Variants in KIF13B observed in about 807,000 individuals in gnomAD.
KIF13B encodes kinesin-like protein KIF13B.
Under a neutral mutation model 222.0 loss-of-function variants are expected in KIF13B, and 127 were observed. That is an observed-to-expected ratio of 0.57 (90% CI 0.50 to 0.66). The LOEUF (loss-of-function observed/expected upper bound fraction) is 0.66, where lower values mean the gene tolerates loss of function less well. Ranked by LOEUF, KIF13B falls within the 30% of genes least tolerant of loss-of-function variation. The probability of loss-of-function intolerance (pLI) is 0.00; values close to 1 mark genes in which losing one functional copy is unlikely to be tolerated. For synonymous variants in KIF13B, 976 were observed against 919.0 expected (o/e 1.06, Z -1.12); for missense variants, 2,173 against 2,379.0 (o/e 0.91, Z 1.80).
At position 29,237,485 on chromosome 8, in the gene KIF13B, A is replaced by T. The variant is rs1483964359; in HGVS notation, c.149+7861T>A. ...AACCATATACACAAACCCTGAGTCC[A>T]CATATCAAATGTTAGTATCCAGGTA... On this transcript the variant is annotated intron_variant, in intron 2 of 39. Coordinates refer to ENST00000524189, the MANE Select transcript of KIF13B (RefSeq NM_015254.4). Among the ~76,000 whole-genome samples, 3 of 152,210 alleles carry T rather than the reference A, an allele frequency of 2.0e-5. No individual in the cohort carries two copies. The East Asian group carries it at 5.8e-4, about 29-fold the overall frequency.
chr8:29,205,387 A>G lies in KIF13B; in HGVS notation c.150-9188T>C, dbSNP rs143300918. Among the ~76,000 whole-genome samples, 10 of 152,240 alleles carry G rather than the reference A, an allele frequency of 6.6e-5. No homozygotes were observed. The East Asian group carries it at 1.7e-3, about 26-fold the overall frequency. On this transcript the variant is annotated intron_variant, in intron 2 of 39. Coordinates refer to ENST00000524189, the MANE Select transcript of KIF13B (RefSeq NM_015254.4). Reference sequence around the variant, plus strand: ...TAGATCTGAACAACTACCACCTCCTACTAGGCCCCTGCAGTTTCAAATTCC... The same window carrying G: ...TAGATCTGAACAACTACCACCTCCTGCTAGGCCCCTGCAGTTTCAAATTCC...
chr8:29,203,892 C>CA (rs11432771), intron 2 of KIF13B, among the ~76,000 whole-genome samples: 45,081 of 66,444 alleles, frequency 0.68, 15,832 homozygotes, highest in Non-Finnish European at 0.76. Flanking sequence ...AGTTCCGTCT[C>CA]AAAAAAAAAA....
chr8:29,178,058 G>C (rs907895738), intron 8 of KIF13B, among the ~76,000 whole-genome samples: 1 of 152,136 alleles, frequency 6.6e-6, no homozygotes, highest in Non-Finnish European at 1.5e-5. Context: ...TGGAGACACA[G>C]AAAATTTATA....
intron 37 of KIF13B, among the ~76,000 whole-genome samples, chr8:29,085,845 G>C (rs1174623864): frequency 5.7e-5 from 3 of 52,626 alleles, no homozygotes; most frequent in South Asian, 7.1e-4. Context: ...ACAAGAGCCC[G>C]TAACAAAAAA....
At chr8:29,159,759 A>G (rs1177641784) in intron 13 of KIF13B, among the ~76,000 whole-genome samples, 1 of 152,242 alleles carries the variant, frequency 6.6e-6, no homozygotes, top group Non-Finnish European at 1.5e-5. Flanking sequence ...GAAGGTATGC[A>G]TCAAAGACAC....
At chr8:29,144,890 G>A (rs1341881826) in intron 18 of KIF13B, among the ~76,000 whole-genome samples, 11 of 152,206 alleles carry the variant, frequency 7.2e-5, no homozygotes, top group Non-Finnish European at 1.5e-4. Flanking sequence ...GTTCTTCCAG[G>A]CGTTGACATG....
intron 1 of KIF13B, 149 bp from the exon 2 acceptor site, chr8:29,245,588 A>C (rs1815985501): frequency 3.3e-6 from 2 of 605,746 alleles, no homozygotes. Context: ...CCACTTGATA[A>C]GGAGCACCAA....
chr8:29,185,345 G>C (rs1812882019), intron 6 of KIF13B, among the ~76,000 whole-genome samples: 1 of 152,160 alleles, frequency 6.6e-6, no homozygotes, highest in African/African-American at 2.4e-5. Flanking sequence ...ATTTGTAGGA[G>C]CCTCCTTCAC....
intron 4 of KIF13B, 47 bp from the exon 5 acceptor site, chr8:29,188,654 A>G (rs1412359894): frequency 2.5e-6 from 3 of 1,182,722 alleles, no homozygotes; most frequent in Non-Finnish European, 3.7e-6. Context: ...CCAAAACTAC[A>G]TATGAACAAT....
intron 2 of KIF13B, among the ~76,000 whole-genome samples, chr8:29,225,515 T>A (rs1814981749): frequency 6.6e-6 from 1 of 152,170 alleles, no homozygotes; most frequent in African/African-American, 2.4e-5. Context: ...AGTGGAGGTG[T>A]GCCCTGCCTG....
chr8:29,166,471 G>A (rs745536147), intron 11 of KIF13B, among the ~76,000 whole-genome samples: 18 of 152,142 alleles, frequency 1.2e-4, no homozygotes, highest in Non-Finnish European at 2.4e-4. Flanking sequence ...GGCCGAGGCG[G>A]GCGTATCACC....
rs942552366 is a variant in KIF13B, at chr8:29,070,878, G to A, written c.5219-112C>T. The A allele has an allele frequency of 1.2e-5, 14 of 1,125,914 alleles. No individual in the cohort carries two copies. Among genetic ancestry groups the A allele is most frequent in the Non-Finnish European group, 1.8e-5 (14 of 786,440 alleles). The allele number at this position is 1,125,914 out of a possible 1,614,324, so 69.7% of individuals were successfully genotyped here. Reference sequence around the variant, plus strand: ...CCCACACTGCCACCCCCCCGCACAGGCCCTACACAGCCAGCACTCGGACAC... The same window carrying A: ...CCCACACTGCCACCCCCCCGCACAGACCCTACACAGCCAGCACTCGGACAC... On this transcript the variant is annotated intron_variant, in intron 39 of 39. Coordinates refer to ENST00000524189, the MANE Select transcript of KIF13B (RefSeq NM_015254.4). This position sits in a 1 kb window ranked among gnomAD's most constrained non-coding sequence, Gnocchi z 4.1.
intron 29 of KIF13B, among the ~76,000 whole-genome samples, chr8:29,119,503 A>G (rs1217615997): frequency 1.3e-5 from 2 of 152,302 alleles, no homozygotes; most frequent in South Asian, 2.1e-4. Flanking sequence ...GCAGACATCC[A>G]AAGTTCCTTT....
At chr8:29,098,176 A>AAAAAAAAAAAAAAAAAAAC (rs1808624392) in intron 36 of KIF13B, among the ~76,000 whole-genome samples, 1 of 148,502 alleles carries the variant, frequency 6.7e-6, no homozygotes, top group Non-Finnish European at 1.5e-5. Flanking sequence ...ATCTCAAAAA[A>AAAAAAAAAAAAAAAAAAAC]AAAAAAAAAA....
At chr8:29,220,286 T>A (rs202084047) in intron 2 of KIF13B, among the ~76,000 whole-genome samples, 2 of 152,172 alleles carry the variant, frequency 1.3e-5, no homozygotes, top group East Asian at 3.8e-4. Flanking sequence ...CTGATGGTAT[T>A]CCCAGTGGTC....
intron 2 of KIF13B, among the ~76,000 whole-genome samples, chr8:29,225,784 G>A (rs1255362453): frequency 1.3e-5 from 2 of 152,122 alleles, no homozygotes; most frequent in Non-Finnish European, 2.9e-5. Flanking sequence ...CACCACCTTA[G>A]TCCCCTGACT....
chr8:29,158,727 G>A (rs975811661), intron 13 of KIF13B, among the ~76,000 whole-genome samples: 1 of 152,122 alleles, frequency 6.6e-6, no homozygotes, highest in African/African-American at 2.4e-5. Context: ...CTTGCTGTGG[G>A]GTTAGCTTGG....
chr8:29,190,939 A>G (rs1212815402), intron 4 of KIF13B, 58 bp downstream of exon 4: 9 of 1,396,414 alleles, frequency 6.4e-6, no homozygotes, highest in Non-Finnish European at 9.2e-6. Context: ...GTAAGGGAAA[A>G]AATACTGAAC....
chr8:29,251,457 A>G (rs1816277874), intron 1 of KIF13B, among the ~76,000 whole-genome samples: 1 of 152,232 alleles, frequency 6.6e-6, no homozygotes, highest in Non-Finnish European at 1.5e-5. Flanking sequence ...AAAAGGAAGG[A>G]AATTCTGACG....
Sources: allele counts gnomAD v4.1 joint callset (sites outside exome capture counted in the v4.1 genomes callset), GRCh38; gene constraint gnomAD v4.1.1; non-coding constraint Gnocchi (gnomAD v3.1); transcripts MANE v1.5; gene names NCBI Gene and HGNC (gene_info 2026-07-23, HGNC 2026-07-21).